Variants in NHSL1 observed in about 807,000 individuals in gnomAD.
NHSL1 encodes the protein NHS like 1.
NHSL1 carries 48 observed loss-of-function variants against 95.0 expected under a neutral mutation model. The observed-to-expected ratio is 0.51, with a 90% CI of 0.40 to 0.64. The LOEUF is 0.64. NHSL1 is among the 30% of genes least tolerant of loss of function. The pLI, the probability that NHSL1 is intolerant of heterozygous loss-of-function variation, is 0.00. For missense variants in NHSL1, 1,971 were observed against 2,077.7 expected, an observed-to-expected ratio of 0.95 and a Z score of 1.00; for synonymous variants, 783 against 833.9, an observed-to-expected ratio of 0.94 and a Z score of 1.05.
At chr6:138,609,889 T>A (rs1156351276) in intron 1 of NHSL1, among the ~76,000 whole-genome samples, 1 of 152,190 alleles carries the variant, frequency 6.6e-6, no homozygotes. Flanking sequence ...TTGTTATTAA[T>A]ATTGCCAGTA....
intron 4 of NHSL1, among the ~76,000 whole-genome samples, chr6:138,446,496 C>G (rs529558851): frequency 6.6e-6 from 1 of 152,142 alleles, no homozygotes; most frequent in East Asian, 1.9e-4. Flanking sequence ...TGTAGTCTAG[C>G]TTAATATAAC....
chr6:138,627,733 T>C (rs1216754539), intron 1 of NHSL1, among the ~76,000 whole-genome samples: 2 of 151,804 alleles, frequency 1.3e-5, no homozygotes, highest in African/African-American at 4.8e-5. Flanking sequence ...AATAAAAAAT[T>C]AGCTGGGCGT....
chr6:138,516,377 A>G (rs1009022966), intron 1 of NHSL1, among the ~76,000 whole-genome samples: 2 of 152,272 alleles, frequency 1.3e-5, no homozygotes, highest in Non-Finnish European at 2.9e-5. Flanking sequence ...ATGATCATGT[A>G]GATACCATAT....
In NHSL1 at chr6:138,424,061, G is replaced by T. The variant is rs1245264728; in HGVS notation, c.*20C>A. 1 of 1,356,756 alleles carries T rather than the reference G, an allele frequency of 7.4e-7. No individual in the cohort carries two copies. The highest frequency in any genetic ancestry group is 2.6e-5 in the East Asian group (1 of 37,960). 84.0% of individuals were successfully genotyped at this position (1,356,756 alleles called of 1,614,324 possible). On this transcript the variant is annotated 3_prime_UTR_variant, in exon 8 of 8. Transcript: ENST00000343505. The surrounding 1 kb of genome is among the most constrained non-coding windows in gnomAD (Gnocchi z 5.9). ...TGCTCGTCTCCCCCCGTGTCACCTGGGAGAGTTACGTTCTTGGCCCTAACT... is the reference window on the plus strand; with the variant it reads ...TGCTCGTCTCCCCCCGTGTCACCTGTGAGAGTTACGTTCTTGGCCCTAACT...
chr6:138,571,391 G>C, intron 1 of NHSL1: 1 of 304,600 alleles, frequency 3.3e-6, no homozygotes, highest in South Asian at 3.6e-5. Context: ...ATTCTCTCTA[G>C]CTAGGGTGGT....
exon 1 of NHSL1, chr6:138,545,692 T>C (rs1782763513): frequency 7.8e-7 from 1 of 1,286,876 alleles, no homozygotes; most frequent in South Asian, 1.2e-5. Flanking sequence ...AAGCCTGCAG[T>C]GCTAGGCACA....
upstream of NHSL1, among the ~76,000 whole-genome samples, chr6:138,547,877 T>G (rs1782861929): frequency 1.3e-5 from 2 of 152,238 alleles, no homozygotes; most frequent in South Asian, 2.1e-4. Context: ...GAGTAGTCTC[T>G]CCCATGTAAT....
intron 3 of NHSL1, among the ~76,000 whole-genome samples, chr6:138,460,124 AC>A (rs1019739340): frequency 6.6e-6 from 1 of 152,208 alleles, no homozygotes; most frequent in African/African-American, 2.4e-5. Context: ...CATTGGACTT[AC>A]CTACTCTTTA....
intron 1 of NHSL1, among the ~76,000 whole-genome samples, chr6:138,665,428 C>T (rs1785281776): frequency 1.3e-5 from 2 of 152,192 alleles, no homozygotes; most frequent in African/African-American, 4.8e-5. Context: ...GACTTTACAA[C>T]TTCTGTGGTC....
At chr6:138,576,828 T>C (rs1783979992), upstream of NHSL1, among the ~76,000 whole-genome samples, 2 of 152,226 alleles carry the variant, frequency 1.3e-5, no homozygotes, top group Admixed American at 1.3e-4. Context: ...AATTGCATCT[T>C]TTATACTTAG....
chr6:138,600,631 C>T (rs1346486370), intron 1 of NHSL1, among the ~76,000 whole-genome samples: 3 of 152,158 alleles, frequency 2.0e-5, no homozygotes, highest in South Asian at 4.1e-4. Context: ...AAATTACTAT[C>T]AATTTAAATG....
chr6:138,499,789 C>G (rs1256329444), upstream of NHSL1, among the ~76,000 whole-genome samples: 1 of 152,170 alleles, frequency 6.6e-6, no homozygotes, highest in African/African-American at 2.4e-5. Flanking sequence ...CCAAGTCTGA[C>G]AGCAATTCCA....
intron 1 of NHSL1, among the ~76,000 whole-genome samples, chr6:138,523,454 T>A (rs1781764766): frequency 6.6e-6 from 1 of 151,688 alleles, no homozygotes; most frequent in Non-Finnish European, 1.5e-5. Flanking sequence ...GGACTACAAG[T>A]GCGAGCCACC....
At chr6:138,612,921 CT>C (rs1277628636) in intron 1 of NHSL1, among the ~76,000 whole-genome samples, 1 of 152,184 alleles carries the variant, frequency 6.6e-6, no homozygotes, top group African/African-American at 2.4e-5. Context: ...GGAGATACCA[CT>C]TTTAGTCTTA....
At chr6:138,551,067 A>C (rs1376625845) in intron 1 of NHSL1, among the ~76,000 whole-genome samples, 2 of 152,232 alleles carry the variant, frequency 1.3e-5, no homozygotes, top group Non-Finnish European at 2.9e-5. Context: ...GAAAGAGACC[A>C]CATTTATATT....
intron 1 of NHSL1, among the ~76,000 whole-genome samples, chr6:138,608,862 T>TA (rs992226298): frequency 4.6e-5 from 7 of 152,198 alleles, no homozygotes; most frequent in Admixed American, 1.3e-4. Context: ...GAAGAAATCT[T>TA]AAACACAGGA....
At chr6:138,429,411 T>A (rs1178787075) in intron 7 of NHSL1, among the ~76,000 whole-genome samples, 1 of 152,190 alleles carries the variant, frequency 6.6e-6, no homozygotes, top group African/African-American at 2.4e-5. Context: ...CGACTCTTGC[T>A]AATATACTCT....
At chr6:138,428,612 C>T (rs1242288280) in intron 7 of NHSL1, among the ~76,000 whole-genome samples, 1 of 152,128 alleles carries the variant, frequency 6.6e-6, no homozygotes, top group African/African-American at 2.4e-5. Context: ...TCGTTCCCCC[C>T]ACACCAAGTT....
chr6:138,463,852 A>C (rs1418424119), intron 3 of NHSL1, among the ~76,000 whole-genome samples: 3 of 152,068 alleles, frequency 2.0e-5, no homozygotes, highest in East Asian at 3.9e-4. Flanking sequence ...TCAATCTAAA[A>C]TGGCAGTCCT....
Sources: gnomAD v4.1 joint callset for allele counts (sites outside exome capture counted in the v4.1 genomes callset) on GRCh38, gnomAD v4.1.1 for gene constraint, Gnocchi (gnomAD v3.1) non-coding constraint, MANE v1.5 for transcripts, NCBI Gene and HGNC (gene_info 2026-07-23, HGNC 2026-07-21) for gene names.